Variants in KIF1A observed in about 807,000 individuals in gnomAD.
The protein encoded by KIF1A is kinesin family member 1A, also known as kinesin-like protein KIF1A.
KIF1A carries 46 observed loss-of-function variants against 227.3 expected under a neutral mutation model. The ratio of observed to expected loss-of-function variants is 0.20; its 90% confidence interval spans 0.16 to 0.26. The LOEUF is 0.26. Ranked by LOEUF, KIF1A falls within the 10% of genes least tolerant of loss-of-function variation. The pLI, the probability that KIF1A is intolerant of heterozygous loss-of-function variation, is 1.00. For synonymous variants in KIF1A, 1,022 were observed against 1,012.8 expected (o/e 1.01, Z -0.17); for missense variants, 1,683 against 2,485.9 (o/e 0.68, Z 6.87).
chr2:240,789,310 T>G lies in KIF1A; in HGVS notation c.109A>C (p.Ile37Leu). 1 of 1,613,536 alleles carries G rather than the reference T, an allele frequency of 6.2e-7. No homozygotes were observed. Among genetic ancestry groups the G allele is most frequent in the Non-Finnish European group, 8.5e-7 (1 of 1,179,494 alleles). The change falls in exon 3 of 49, where the codon ATT (isoleucine) becomes CTT (leucine). Residue 37 changes from isoleucine (I) to leucine (L), a missense_variant and splice_region_variant. By Grantham distance (5) the Ile-to-Leu change is conservative. Around this residue, in one of 12 missense-constraint regions of KIF1A, gnomAD observed 71 missense variants for 129.1 expected, o/e 0.55. Transcript: ENST00000498729. The surrounding 1 kb of genome is among the most constrained non-coding windows in gnomAD (Gnocchi z 4.8). ...TCCTTGGGCTGTTTGGGGTTAACAATGGCTGTGGGAGGGAACACAGGTGGT... is the reference window on the plus strand; with the variant it reads ...TCCTTGGGCTGTTTGGGGTTAACAAGGGCTGTGGGAGGGAACACAGGTGGT... ...IIQMSGSTTTIVNPKQPKETP... is the reference protein window; with the variant it reads ...IIQMSGSTTTLVNPKQPKETP...
chr2:240,731,462 G>A (rs370615401), intron 38 of KIF1A, among the ~76,000 whole-genome samples: 8 of 152,180 alleles, frequency 5.3e-5, no homozygotes, highest in East Asian at 1.9e-4. Context: ...TGCCCCGACC[G>A]CATGCCACCC....
chr2:240,748,490 G>A (rs2048856972), intron 28 of KIF1A, among the ~76,000 whole-genome samples: 1 of 152,172 alleles, frequency 6.6e-6, no homozygotes, highest in Non-Finnish European at 1.5e-5. Context: ...GGGCCAGTGG[G>A]AGGAAGTGCT....
At chr2:240,749,078 G>C (rs1197953099) in intron 28 of KIF1A, among the ~76,000 whole-genome samples, 2 of 151,068 alleles carry the variant, frequency 1.3e-5, no homozygotes, top group Non-Finnish European at 2.9e-5. Context: ...AGTGAGCCGA[G>C]ATCCAGCCAC....
Position 240,788,041 on chromosome 2 carries a change from C to CCCCGCGGGGCG in KIF1A, c.363+9_363+10insCGCCCCGCGGG. The CCCCGCGGGGCG allele has an allele frequency of 6.6e-7, 1 of 1,520,682 alleles. No individual in the cohort carries two copies. 94.2% of individuals were successfully genotyped at this position (1,520,682 alleles called of 1,614,324 possible). A position where few individuals can be genotyped will look rare whatever the true frequency, so the allele number is the denominator to read the frequency against. On this transcript the variant is annotated intron_variant, in intron 4 of 48. Coordinates refer to ENST00000498729, the MANE Select transcript of KIF1A (RefSeq NM_001244008.2). This position sits in a 1 kb window ranked among gnomAD's most constrained non-coding sequence, Gnocchi z 6.6. ...GCCAGGGCTGCCCCCGCCCGCCCCC[C>CCCCGCGGGGCG]GCTTCGTGCCTGTGGGATGATGCCC...
intron 10 of KIF1A, among the ~76,000 whole-genome samples, chr2:240,780,492 A>G (rs1431944268): frequency 6.6e-6 from 1 of 151,858 alleles, no homozygotes; most frequent in Non-Finnish European, 1.5e-5. Flanking sequence ...TCCCCACGCA[A>G]TTCCTCACAC....
chr2:240,749,894 C>G (rs573761615), intron 28 of KIF1A, among the ~76,000 whole-genome samples: 20 of 152,362 alleles, frequency 1.3e-4, no homozygotes, highest in African/African-American at 4.6e-4. Context: ...ATCAGGGAAC[C>G]AGAAGCACCC....
At chr2:240,731,635 T>C (rs1183747778) in intron 38 of KIF1A, among the ~76,000 whole-genome samples, 1 of 152,182 alleles carries the variant, frequency 6.6e-6, no homozygotes, top group Non-Finnish European at 1.5e-5. Flanking sequence ...GACCGGGAGC[T>C]GCCTTTTCCA....
rs2044700980 is a variant in KIF1A, at chr2:240,717,504, C to CA, written c.5334-99dup. 4 of 1,082,272 alleles carry CA rather than the reference C, an allele frequency of 3.7e-6. No individual in the cohort carries two copies. In the Admixed American group the frequency reaches 5.3e-5, roughly 14 times the overall value. The allele number at this position is 1,082,272 out of a possible 1,614,324, so 67.0% of individuals were successfully genotyped here. A position where few individuals can be genotyped will look rare whatever the true frequency, so the allele number is the denominator to read the frequency against. On this transcript the variant is annotated intron_variant, in intron 48 of 48. Transcript: ENST00000498729. ...CAGGCAGGCAGCCGTGAGGGGCAGC[C>CA]ACAGACCCCATGTCCCCGCTGGTTC...
chr2:240,748,471 T>A (rs1575568147), intron 28 of KIF1A, among the ~76,000 whole-genome samples: 1 of 152,054 alleles, frequency 6.6e-6, no homozygotes, highest in South Asian at 2.1e-4. Flanking sequence ...GAAGTGGCTG[T>A]CAGGGTGGGG....
chr2:240,748,720 G>A (rs115056533), intron 28 of KIF1A: 4,490 of 284,464 alleles, frequency 0.016, 55 homozygotes, highest in Non-Finnish European at 0.023. Context: ...TCCCCAGCTG[G>A]GCCCCCTGAT....
chr2:240,797,617 G>A (rs778216035), intron 2 of KIF1A, 30 bp downstream of exon 2: 42 of 1,518,218 alleles, frequency 2.8e-5, no homozygotes, highest in Middle Eastern at 3.4e-4. Flanking sequence ...ACCCATGGCC[G>A]ACCCCGATGC....
At position 240,761,403 on chromosome 2, in the gene KIF1A, A is replaced by G. The variant is rs777363750; in HGVS notation, c.2117-26T>C. 7 of 1,557,374 alleles carry G rather than the reference A, an allele frequency of 4.5e-6. No homozygotes were observed. The South Asian group carries it at 8.4e-5, about 19-fold the overall frequency. On this transcript the variant is annotated intron_variant, in intron 23 of 48. Coordinates refer to ENST00000498729, the MANE Select transcript of KIF1A (RefSeq NM_001244008.2). The stretch of plus-strand genomic sequence containing the variant: ...CTGTGGGGAGAGGTCACACGTGGTC[A>G]TCGCAGGAAGGCCATGACCCTGCCC...
chr2:240,794,985 C>G (rs1209497342), intron 2 of KIF1A, among the ~76,000 whole-genome samples: 1 of 152,208 alleles, frequency 6.6e-6, no homozygotes, highest in Non-Finnish European at 1.5e-5. Context: ...CCACCCCTAC[C>G]CTGAGTCCAC....
rs1357322894 is a variant in KIF1A at position 240,716,007 on chromosome 2, T to G, written c.*1357A>C. 1 of 152,300 alleles carries G rather than the reference T, an allele frequency of 6.6e-6. No individual in the cohort carries two copies. The highest frequency in any genetic ancestry group is 1.5e-5 in the Non-Finnish European group (1 of 68,050). The allele number at this position is 152,300 out of a possible 1,614,324, so 9.4% of individuals were successfully genotyped here. A position where few individuals can be genotyped will look rare whatever the true frequency, so the allele number is the denominator to read the frequency against. On this transcript the variant is annotated 3_prime_UTR_variant, in exon 49 of 49. Coordinates refer to ENST00000498729, the MANE Select transcript of KIF1A (RefSeq NM_001244008.2). Reference sequence around the variant, plus strand: ...TCCCTAGGCCTCTGGACATGACTCCTATGACCAGACTCTCAGCTTGGGGCT... The same window carrying G: ...TCCCTAGGCCTCTGGACATGACTCCGATGACCAGACTCTCAGCTTGGGGCT...
chr2:240,748,276 C>T (rs2048833311), intron 28 of KIF1A, among the ~76,000 whole-genome samples: 1 of 152,196 alleles, frequency 6.6e-6, no homozygotes, highest in Non-Finnish European at 1.5e-5. Context: ...GGGGGTACCT[C>T]TCAACCCCAT....
chr2:240,722,138 A>G (rs1195288986), intron 43 of KIF1A, among the ~76,000 whole-genome samples: 3 of 152,178 alleles, frequency 2.0e-5, no homozygotes, highest in Non-Finnish European at 4.4e-5. Context: ...CAGGAGGCGC[A>G]GGAAGCCTTC....
At chr2:240,729,670 G>A (rs1360628166) in intron 38 of KIF1A, among the ~76,000 whole-genome samples, 3 of 152,252 alleles carry the variant, frequency 2.0e-5, no homozygotes, top group African/African-American at 7.2e-5. Context: ...CCCCTTGGGG[G>A]TCCTAGCAGA....
At chr2:240,770,085 C>G (rs1290299683) in intron 15 of KIF1A, among the ~76,000 whole-genome samples, 1 of 152,166 alleles carries the variant, frequency 6.6e-6, no homozygotes, top group East Asian at 1.9e-4. Flanking sequence ...TCTTCCCACC[C>G]ACAGCCCAGT....
rs2125849478 is a variant in KIF1A at position 240,754,539 on chromosome 2, A to G, written c.2858+2780T>C. On this transcript the variant is annotated intron_variant, in intron 27 of 48. Coordinates refer to ENST00000498729, the MANE Select transcript of KIF1A (RefSeq NM_001244008.2). ...GAGCCCATGCCAACCAATGCACCCG[A>G]AGTGTGAGGTGATGGGGCAGAGCAC... Among the ~76,000 whole-genome samples, 3 of 152,304 alleles carry G rather than the reference A, an allele frequency of 2.0e-5. No individual in the cohort carries two copies. In the South Asian group the frequency reaches 6.2e-4, roughly 32 times the overall value.
Sources: gnomAD v4.1 joint callset for allele counts (sites outside exome capture counted in the v4.1 genomes callset) on GRCh38, gnomAD v4.1.1 for gene constraint, gnomAD v4.1.1 regional missense constraint, Gnocchi (gnomAD v3.1) non-coding constraint, MANE v1.5 for transcripts, NCBI Gene and HGNC (gene_info 2026-07-23, HGNC 2026-07-21) for gene names.